Variants in PHAF1 observed in about 807,000 individuals in gnomAD.
PHAF1 encodes phagophore assembly factor 1.
In PHAF1, 23 loss-of-function variants were observed where a neutral mutation model predicts 63.1. The ratio of observed to expected loss-of-function variants is 0.36; its 90% confidence interval spans 0.26 to 0.52. The LOEUF (loss-of-function observed/expected upper bound fraction) is 0.52. Ranked by LOEUF, PHAF1 falls within the 20% of genes least tolerant of loss-of-function variation. PHAF1 has a pLI of 0.93. For missense variants in PHAF1, 427 were observed against 517.2 expected, an observed-to-expected ratio of 0.83 and a Z score of 1.69; for synonymous variants, 167 against 185.0, an observed-to-expected ratio of 0.90 and a Z score of 0.79.
intron 14 of PHAF1, 80 bp downstream of exon 14, chr16:67,145,708 G>A: frequency 1.4e-6 from 2 of 1,455,728 alleles, no homozygotes; most frequent in East Asian, 2.3e-5. Flanking sequence ...TGGCACAGTG[G>A]ATGTTGCTTA....
At chr16:67,117,371 C>G (rs895940007) in intron 1 of PHAF1, among the ~76,000 whole-genome samples, 1 of 150,646 alleles carries the variant, frequency 6.6e-6, no homozygotes, top group Non-Finnish European at 1.5e-5. Context: ...TTTTGGTGGT[C>G]TCAGTGAGTC....
intron 3 of PHAF1, among the ~76,000 whole-genome samples, chr16:67,130,210 C>T (rs1223469788): frequency 6.6e-6 from 1 of 152,032 alleles, no homozygotes; most frequent in Admixed American, 6.6e-5. Flanking sequence ...CCACGCCTGG[C>T]TAATTTTTTG....
intron 2 of PHAF1, among the ~76,000 whole-genome samples, chr16:67,124,443 C>A (rs895095353): frequency 6.6e-6 from 1 of 152,210 alleles, no homozygotes; most frequent in Admixed American, 6.5e-5. Flanking sequence ...AAGGAAGCAA[C>A]CTGCCCTAAT....
At chr16:67,139,575 C>CT (rs1963728913) in intron 8 of PHAF1, 1 of 168,762 alleles carries the variant, frequency 5.9e-6, no homozygotes, top group Non-Finnish European at 1.3e-5. Context: ...GTGTCAAACT[C>CT]TGAGCTCAAA....
intron 8 of PHAF1, among the ~76,000 whole-genome samples, chr16:67,138,645 T>C (rs555807489): frequency 6.6e-6 from 1 of 152,310 alleles, no homozygotes; most frequent in Non-Finnish European, 1.5e-5. Context: ...GTGTGTGTCA[T>C]TAACTGTAAT....
intron 1 of PHAF1, among the ~76,000 whole-genome samples, chr16:67,115,900 C>T (rs569931953): frequency 6.6e-6 from 1 of 152,268 alleles, no homozygotes; most frequent in Admixed American, 6.5e-5. Context: ...TGTCTATAAT[C>T]CCAGCATTTT....
intron 6 of PHAF1, among the ~76,000 whole-genome samples, chr16:67,133,150 A>G (rs1447265340): frequency 6.6e-6 from 1 of 152,164 alleles, no homozygotes; most frequent in Non-Finnish European, 1.5e-5. Flanking sequence ...GGTCAGGCTC[A>G]CTTTTCAGAG....
chr16:67,138,587 G>A (rs1444731533), intron 8 of PHAF1, among the ~76,000 whole-genome samples: 1 of 151,890 alleles, frequency 6.6e-6, no homozygotes. Context: ...TTTTACTGTT[G>A]GTGTATCTAT....
chr16:67,115,188 T>G (rs967997232), intron 1 of PHAF1, among the ~76,000 whole-genome samples: 1 of 152,252 alleles, frequency 6.6e-6, no homozygotes, highest in African/African-American at 2.4e-5. Flanking sequence ...CATGACCACC[T>G]ACAGCTGTGC....
At chr16:67,146,037 C>T (rs141323941) in intron 14 of PHAF1, among the ~76,000 whole-genome samples, 2 of 152,282 alleles carry the variant, frequency 1.3e-5, no homozygotes, top group Admixed American at 1.3e-4. Flanking sequence ...CTTGACTCCT[C>T]GCCACCCTAG....
chr16:67,125,777 T>TA (rs1348305165), intron 2 of PHAF1, among the ~76,000 whole-genome samples, 182 bp from the exon 3 acceptor site: 4 of 152,200 alleles, frequency 2.6e-5, no homozygotes, highest in Non-Finnish European at 5.9e-5. Flanking sequence ...AGGCTAGAAG[T>TA]AAAAAACACC....
At position 67,119,332 on chromosome 16, in the gene PHAF1, G is replaced by C. The variant is rs977719565; in HGVS notation, c.65-780G>C. Among the ~76,000 whole-genome samples the C allele has an allele frequency of 5.8e-4, 89 of 152,276 alleles. 1 individual carries two copies. Among genetic ancestry groups the C allele is most frequent in the African/African-American group, 2.0e-3 (84 of 41,546 alleles). ...GTGTCAGATCAGTGTGGAGGTCCCT[G>C]TTTCCAGGAAGACTTTTTGTATATT... is the stretch of plus-strand genomic sequence containing the variant. On this transcript the variant is annotated intron_variant, in intron 1 of 15. Coordinates refer to ENST00000219139, the MANE Select transcript of PHAF1 (RefSeq NM_025187.5).
At position 67,139,343 on chromosome 16, in the gene PHAF1, C is replaced by CTTT. The variant is rs1164245105; in HGVS notation, c.662-618_662-616dup. 3.7e-3 allele frequency among the ~76,000 whole-genome samples: 320 copies of CTTT among 86,878 alleles called. 3 individuals are homozygous for CTTT. The highest frequency in any genetic ancestry group is 5.0e-3 in the African/African-American group (95 of 19,100). 57.0% of individuals were successfully genotyped at this position (86,878 alleles called of 152,430 possible). A position where few individuals can be genotyped will look rare whatever the true frequency, so the allele number is the denominator to read the frequency against. ...GCTTATGGAGAAAAAACAGCACTGC[C>CTTT]TTTTTTTTTTTTTTTTTTTTTTTTT... On this transcript the variant is annotated intron_variant, in intron 8 of 15. Transcript: ENST00000219139.
At chr16:67,129,104 A>ATCC (rs1963297591) in intron 3 of PHAF1, among the ~76,000 whole-genome samples, 1 of 152,194 alleles carries the variant, frequency 6.6e-6, no homozygotes, top group African/African-American at 2.4e-5. Flanking sequence ...GCCTCAGTGA[A>ATCC]ATGGCATGCC....
chr16:67,142,939 G>C (rs1597216789), intron 10 of PHAF1, among the ~76,000 whole-genome samples: 1 of 152,214 alleles, frequency 6.6e-6, no homozygotes, highest in Admixed American at 6.5e-5. Flanking sequence ...TAGGTGACAG[G>C]GAAGATGGAG....
intron 1 of PHAF1, among the ~76,000 whole-genome samples, chr16:67,113,344 C>A (rs774093783): frequency 3.9e-5 from 6 of 152,122 alleles, no homozygotes; most frequent in Non-Finnish European, 8.8e-5. Context: ...AAAGGAAAAC[C>A]TAGGCCAAGC....
chr16:67,144,594 G>C (rs775926863), intron 11 of PHAF1, among the ~76,000 whole-genome samples: 3 of 152,206 alleles, frequency 2.0e-5, no homozygotes, highest in Non-Finnish European at 4.4e-5. Context: ...AGGGAAATAA[G>C]TTCAGAAAGC....
Position 67,147,978 on chromosome 16 carries a change from A to G in PHAF1, c.*847A>G, listed in dbSNP as rs2030244129. 1 of 152,718 alleles carries G rather than the reference A, an allele frequency of 6.5e-6. No individual in the cohort carries two copies. Among genetic ancestry groups the G allele is most frequent in the South Asian group, 2.1e-4 (1 of 4,838 alleles). The allele number at this position is 152,718 out of a possible 1,614,324, so 9.5% of individuals were successfully genotyped here. On this transcript the variant is annotated 3_prime_UTR_variant, in exon 16 of 16. Transcript: ENST00000219139. ...CCCTGGCTGGGCCATTTCATGGCTC[A>G]AAGCCTCTGGGGGCTCAAGGAAGGC...
In PHAF1 at chr16:67,110,083, G is replaced by C. The variant is rs1329782742; in HGVS notation, c.-93G>C. On this transcript the variant is annotated 5_prime_UTR_variant, in exon 1 of 16. Coordinates refer to ENST00000219139, the MANE Select transcript of PHAF1 (RefSeq NM_025187.5). ...GAAAGCGGGGCTGTGGCGGGCCGGC[G>C]GGGGCGGCCTGTCAGCCGCTGCTTT... 4 of 1,363,492 alleles carry C rather than the reference G, an allele frequency of 2.9e-6. No individual in the cohort carries two copies. The highest frequency in any genetic ancestry group is 4.0e-6 in the Non-Finnish European group (4 of 1,004,892). The allele number at this position is 1,363,492 out of a possible 1,614,324, so 84.5% of individuals were successfully genotyped here. A position where few individuals can be genotyped will look rare whatever the true frequency, so the allele number is the denominator to read the frequency against.
Sources: allele counts gnomAD v4.1 joint callset (sites outside exome capture counted in the v4.1 genomes callset), GRCh38; gene constraint gnomAD v4.1.1; transcripts MANE v1.5; gene names NCBI Gene and HGNC (gene_info 2026-07-23, HGNC 2026-07-21).